EYS: variants seen among roughly 807,000 people sequenced by gnomAD.
EYS encodes EGF-like photoreceptor maintenance factor.
EYS carries 250 observed loss-of-function variants against 282.1 expected under a neutral mutation model. The observed-to-expected ratio is 0.89, with a 90% CI of 0.80 to 0.98. EYS has a LOEUF of 0.98. Among genes scored for constraint, EYS ranks in the 50% least tolerant of loss-of-function variants. The pLI, the probability that EYS is intolerant of heterozygous loss-of-function variation, is 0.00. For synonymous variants in EYS, 1,355 were observed against 1,282.9 expected, an observed-to-expected ratio of 1.06 and a Z score of -1.20; for missense variants, 4,016 against 3,709.0, an observed-to-expected ratio of 1.08 and a Z score of -2.15.
intron 12 of EYS, among the ~76,000 whole-genome samples, chr6:65,287,780 G>A (rs760459338): frequency 4.6e-5 from 7 of 151,032 alleles, no homozygotes; most frequent in Non-Finnish European, 8.9e-5. Context: ...CCTTTTTATG[G>A]GAAGATGTTT....
chr6:65,318,986 A>G (rs541824226), intron 11 of EYS, among the ~76,000 whole-genome samples: 1 of 151,534 alleles, frequency 6.6e-6, no homozygotes, highest in South Asian at 2.1e-4. Context: ...TGATATTAAT[A>G]TTATTTTCTA....
At chr6:65,425,275 G>T (rs575913316) in intron 5 of EYS, among the ~76,000 whole-genome samples, 1 of 152,168 alleles carries the variant, frequency 6.6e-6, no homozygotes, top group South Asian at 2.1e-4. Flanking sequence ...ATCATGAAGA[G>T]AATTAATATA....
At chr6:65,391,283 T>C (rs1766020177) in intron 7 of EYS, among the ~76,000 whole-genome samples, 1 of 152,124 alleles carries the variant, frequency 6.6e-6, no homozygotes, top group Non-Finnish European at 1.5e-5. Context: ...CTACTCTTGA[T>C]GAGAAAATGG....
chr6:64,660,521 T>TA (rs985020816), intron 22 of EYS, among the ~76,000 whole-genome samples: 1 of 152,170 alleles, frequency 6.6e-6, no homozygotes, highest in African/African-American at 2.4e-5. Flanking sequence ...CTTAAGCTGA[T>TA]AAGCAACTTC....
rs986549876 is a variant in EYS, at chr6:65,693,974, C to T, written c.-448+13161G>A. Among the ~76,000 whole-genome samples, 11 of 150,200 alleles carry T rather than the reference C, an allele frequency of 7.3e-5. 2 individuals carry two copies. Among genetic ancestry groups the T allele is most frequent in the African/African-American group, 2.2e-4 (9 of 41,160 alleles). On this transcript the variant is annotated intron_variant, in intron 1 of 42. Transcript: ENST00000503581. ...GTCCTGATTTTGATGCTATAGTCAC[C>T]TGATGAATACAGAACCCCCACAAGG... is the stretch of plus-strand genomic sequence containing the variant.
intron 14 of EYS, among the ~76,000 whole-genome samples, chr6:64,984,232 A>T (rs1441745375): frequency 6.6e-6 from 1 of 151,290 alleles, no homozygotes; most frequent in Non-Finnish European, 1.5e-5. Flanking sequence ...TCTCCCTTCC[A>T]ATCATGTAGA....
chr6:65,557,800 A>G (rs1472830864), intron 2 of EYS, among the ~76,000 whole-genome samples: 1 of 152,156 alleles, frequency 6.6e-6, no homozygotes, highest in Non-Finnish European at 1.5e-5. Flanking sequence ...TTATTGAGTG[A>G]CAGAATAGCT....
chr6:64,594,423 T>C lies in EYS; in HGVS notation c.3685-1114A>G, dbSNP rs533242793. Among the ~76,000 whole-genome samples the C allele has an allele frequency of 1.6e-3, 240 of 152,122 alleles. 7 individuals carry two copies. The South Asian group carries it at 0.049, about 31-fold the overall frequency. ...GTAATGGGATGGCTGGGTCAAATGG[T>C]ATTTCTAGTTCGCAACCCAAATGTC... On this transcript the variant is annotated intron_variant, in intron 24 of 42. Coordinates refer to ENST00000503581, the MANE Select transcript of EYS (RefSeq NM_001142800.2).
intron 35 of EYS, among the ~76,000 whole-genome samples, chr6:63,959,617 G>A (rs1412653424): frequency 2.0e-5 from 3 of 152,282 alleles, no homozygotes; most frequent in African/African-American, 7.2e-5. Flanking sequence ...CAACCCAAAT[G>A]TCCATCAGTG....
intron 26 of EYS, among the ~76,000 whole-genome samples, chr6:64,578,975 G>T (rs946930937): frequency 2.0e-5 from 3 of 152,062 alleles, no homozygotes; most frequent in Non-Finnish European, 4.4e-5. Context: ...AAATAGATTT[G>T]GGAGGCAACA....
chr6:63,741,854 G>A, intron 41 of EYS: 1 of 698,220 alleles, frequency 1.4e-6, no homozygotes, highest in Non-Finnish European at 2.6e-6. Flanking sequence ...TTAGAAAGCT[G>A]TACTAGGGTA....
At chr6:63,788,527 T>C (rs1253040909) in intron 38 of EYS, among the ~76,000 whole-genome samples, 2 of 152,180 alleles carry the variant, frequency 1.3e-5, no homozygotes, top group Non-Finnish European at 2.9e-5. Context: ...CCATTTAGCC[T>C]TCCTCCTCTG....
chr6:64,630,252 C>T (rs954243171), intron 22 of EYS, among the ~76,000 whole-genome samples: 1 of 152,052 alleles, frequency 6.6e-6, no homozygotes, highest in African/African-American at 2.4e-5. Context: ...CACACCACCA[C>T]GCCCAGCTAT....
chr6:64,875,204 C>T (rs1261242262), intron 19 of EYS, among the ~76,000 whole-genome samples: 1 of 151,970 alleles, frequency 6.6e-6, no homozygotes, highest in Non-Finnish European at 1.5e-5. Context: ...ACACTCAATT[C>T]TTACCTCAAT....
chr6:64,586,056 C>T (rs951954056), intron 26 of EYS, among the ~76,000 whole-genome samples: 3 of 152,010 alleles, frequency 2.0e-5, no homozygotes, highest in Non-Finnish European at 4.4e-5. Context: ...TTTGTGTCTA[C>T]TCTAAAATTC....
intron 26 of EYS, among the ~76,000 whole-genome samples, chr6:64,566,428 TTATCATCAG>T (rs1241080082): frequency 2.0e-5 from 3 of 152,128 alleles, no homozygotes; most frequent in Non-Finnish European, 4.4e-5. Flanking sequence ...ATCATTAAAA[TTATCATCAG>T]TATCATCATT....
At chr6:64,107,366 C>T (rs1370021329) in intron 31 of EYS, among the ~76,000 whole-genome samples, 1 of 145,378 alleles carries the variant, frequency 6.9e-6, no homozygotes, top group Non-Finnish European at 1.5e-5. Flanking sequence ...CCCACAGTAG[C>T]CTATGTGCAA....
At chr6:64,892,770 C>T (rs766741971) in intron 18 of EYS, among the ~76,000 whole-genome samples, 51 of 151,960 alleles carry the variant, frequency 3.4e-4, no homozygotes, top group Non-Finnish European at 5.9e-4. Flanking sequence ...GTGATGTTAT[C>T]GTAAATTCTC....
intron 12 of EYS, among the ~76,000 whole-genome samples, chr6:65,186,561 T>A (rs996249896): frequency 2.0e-5 from 3 of 151,616 alleles, no homozygotes; most frequent in Admixed American, 1.3e-4. Context: ...CAGACTGAAA[T>A]GACAACAAAG....
Sources: allele counts gnomAD v4.1 joint callset (sites outside exome capture counted in the v4.1 genomes callset), GRCh38; gene constraint gnomAD v4.1.1; transcripts MANE v1.5; gene names NCBI Gene and HGNC (gene_info 2026-07-23, HGNC 2026-07-21).